Variants in MOGAT2 observed in about 807,000 individuals in gnomAD.
The protein encoded by MOGAT2 is 2-acylglycerol O-acyltransferase 2.
In MOGAT2, 27 loss-of-function variants were observed where a neutral mutation model predicts 31.5. That is an observed-to-expected ratio of 0.86 (90% confidence interval 0.63 to 1.18). The LOEUF (loss-of-function observed/expected upper bound fraction) is 1.18, where lower values mean the gene tolerates loss of function less well. MOGAT2 is among the 50% of genes most tolerant of loss of function. The probability of loss-of-function intolerance (pLI) is 0.00; values close to 1 mark genes in which losing one functional copy is unlikely to be tolerated. For missense variants in MOGAT2, 436 were observed against 433.2 expected (o/e 1.01, Z -0.06); for synonymous variants, 163 against 170.0 (o/e 0.96, Z 0.32).
chr11:75,721,805 G>C (rs1227380529), intron 2 of MOGAT2, among the ~76,000 whole-genome samples: 1 of 152,106 alleles, frequency 6.6e-6, no homozygotes, highest in Non-Finnish European at 1.5e-5. Flanking sequence ...AAGGGGGAGG[G>C]GTAGAGGAAA....
intron 4 of MOGAT2, 48 bp from the exon 5 acceptor site, chr11:75,728,741 GC>G (rs1474677837): frequency 4.0e-5 from 61 of 1,535,962 alleles, no homozygotes; most frequent in Non-Finnish European, 5.4e-5. Flanking sequence ...TTCAGCTCGT[GC>G]CTTCTCTGGG....
At position 75,727,561 on chromosome 11, in the gene MOGAT2, C is replaced by A; in HGVS notation, c.397C>A (p.Pro133Thr). The A allele has an allele frequency of 1.2e-6, 2 of 1,614,196 alleles. No individual in the cohort carries two copies. Among genetic ancestry groups the A allele is most frequent in the South Asian group, 2.2e-5 (2 of 91,088 alleles). ...TESTGFSSIFPGIRPHLMMLT... is the reference protein window; with the variant it reads ...TESTGFSSIFTGIRPHLMMLT... ...GAGCACAGGCTTCTCTTCGATCTTC[C>A]CCGGTATCCGCCCCCATCTGATGAT... Residue 133 changes from proline to threonine, a missense_variant, in exon 3 of 6, where the codon CCC becomes ACC. Coordinates refer to ENST00000198801, the MANE Select transcript of MOGAT2 (RefSeq NM_025098.4).
chr11:75,718,277 G>A (rs568274719), intron 1 of MOGAT2, among the ~76,000 whole-genome samples: 22 of 152,334 alleles, frequency 1.4e-4, no homozygotes, highest in East Asian at 5.8e-4. Context: ...GCCAAGTGGT[G>A]TGGGAAAGCC....
chr11:75,722,422 G>A (rs781284386), intron 2 of MOGAT2, among the ~76,000 whole-genome samples: 5 of 152,206 alleles, frequency 3.3e-5, no homozygotes, highest in Admixed American at 2.0e-4. Context: ...TCTGGCCTCC[G>A]GGAGAGCTTC....
chr11:75,731,360 G>A lies in MOGAT2; in HGVS notation c.*74G>A. The A allele has an allele frequency of 4.6e-6, 7 of 1,523,356 alleles. No individual in the cohort carries two copies. The highest frequency in any genetic ancestry group is 6.2e-6 in the Non-Finnish European group (7 of 1,134,662). 94.4% of individuals were successfully genotyped at this position (1,523,356 alleles called of 1,614,324 possible). ...CTGAGAAGACTTCCTGGAGGTGTTT[G>A]TTGAACATATCTGCAGAGCCTTCCC... On this transcript the variant is annotated 3_prime_UTR_variant, in exon 6 of 6. Coordinates refer to ENST00000198801, the MANE Select transcript of MOGAT2 (RefSeq NM_025098.4).
chr11:75,723,023 G>A lies in MOGAT2; in HGVS notation c.270+2853G>A, dbSNP rs370246422. ...GTTGCCCAGTCTGGAATGCAGTGGC[G>A]TGATCTCGGCTCACTGCAACCTCCA... On this transcript the variant is annotated intron_variant, in intron 2 of 5. Transcript: ENST00000198801. Among the ~76,000 whole-genome samples, 129 of 152,196 alleles carry A rather than the reference G, an allele frequency of 8.5e-4. 1 individual carries two copies. Among genetic ancestry groups the A allele is most frequent in the Admixed American group, 5.2e-3 (80 of 15,296 alleles).
At chr11:75,728,194 G>T in intron 4 of MOGAT2, 50 bp downstream of exon 4, 1 of 1,572,890 alleles carries the variant, frequency 6.4e-7, no homozygotes, top group East Asian at 2.3e-5. Flanking sequence ...CAATTGGCAA[G>T]GATTTTATTT....
chr11:75,726,649 G>C lies in MOGAT2; in HGVS notation c.271-786G>C, dbSNP rs544339275. On this transcript the variant is annotated intron_variant, in intron 2 of 5. Transcript: ENST00000198801. The stretch of plus-strand genomic sequence containing the variant: ...TCTATTTTTTTTTCTGAATACATCT[G>C]AGGTTGTTTGAATCCATAGATGTCT... 1.9e-4 allele frequency among the ~76,000 whole-genome samples: 28 copies of C among 149,514 alleles called. No homozygotes were observed. In the South Asian group the frequency reaches 4.8e-3, roughly 26 times the overall value.
At position 75,728,949 on chromosome 11, in the gene MOGAT2, C is replaced by T. The variant is rs746332568; in HGVS notation, c.810C>T (p.Ser270=). ...ATGGCCGTGGTGTCTTCCAGTACAG[C>T]TTTGGTTTAATACCCTACCGCCGGC... is the stretch of plus-strand genomic sequence containing the variant. The part of the protein sequence containing the change: ...LFHGRGVFQY[S]FGLIPYRRPI... Residue 270 remains serine, a synonymous_variant, in exon 5 of 6, where the codon AGC becomes AGT. Coordinates refer to ENST00000198801, the MANE Select transcript of MOGAT2 (RefSeq NM_025098.4). 6.2e-7 allele frequency: 1 copy of T among 1,614,116 alleles called. No homozygotes were observed. Among genetic ancestry groups the T allele is most frequent in the Non-Finnish European group, 8.5e-7 (1 of 1,180,038 alleles).
intron 3 of MOGAT2, 40 bp downstream of exon 3, chr11:75,727,679 A>G (rs1944434017): frequency 1.9e-6 from 3 of 1,576,830 alleles, no homozygotes; most frequent in South Asian, 2.3e-5. Context: ...GAAGGTAACA[A>G]ATTTTCGGAA....
rs1944479705 is a variant in MOGAT2, at chr11:75,731,503, G to A, written c.*217G>A. The A allele has an allele frequency of 6.1e-6, 3 of 493,772 alleles. No homozygotes were observed. Among genetic ancestry groups the A allele is most frequent in the Non-Finnish European group, 1.0e-5 (3 of 299,316 alleles). 30.6% of individuals were successfully genotyped at this position (493,772 alleles called of 1,614,324 possible). On this transcript the variant is annotated 3_prime_UTR_variant, in exon 6 of 6. Coordinates refer to ENST00000198801, the MANE Select transcript of MOGAT2 (RefSeq NM_025098.4). ...CAGTGAGGGCTGCTAGAGGGGCTGG[G>A]CCTCTCTTTGCACATGGACACTGGG...
chr11:75,718,795 G>C (rs1944351896), intron 1 of MOGAT2, among the ~76,000 whole-genome samples: 4 of 152,120 alleles, frequency 2.6e-5, no homozygotes. Flanking sequence ...CTGTGGCTTG[G>C]GAAGGGAGAA....
At position 75,728,709 on chromosome 11, in the gene MOGAT2, C is replaced by T; in HGVS notation, c.651-81C>T. 7 of 1,242,574 alleles carry T rather than the reference C, an allele frequency of 5.6e-6. 1 individual carries two copies. The highest frequency in any genetic ancestry group is 4.9e-5 in the South Asian group (4 of 82,068). The allele number at this position is 1,242,574 out of a possible 1,614,324, so 77.0% of individuals were successfully genotyped here. A position where few individuals can be genotyped will look rare whatever the true frequency, so the allele number is the denominator to read the frequency against. On this transcript the variant is annotated intron_variant, in intron 4 of 5. Transcript: ENST00000198801. ...TGCTCCATTTCTTGGTCACTGAGTC[C>T]CTGCAGGAAGCTAAAGGGCCTTTCA... is the stretch of plus-strand genomic sequence containing the variant.
chr11:75,730,935 G>T, intron 5 of MOGAT2, 197 bp from the exon 6 acceptor site: 69 of 301,408 alleles, frequency 2.3e-4, no homozygotes, highest in Middle Eastern at 9.3e-4. Context: ...AAAAAGAAAA[G>T]AAAAGAAAAG....
At position 75,720,188 on chromosome 11, in the gene MOGAT2, T is replaced by A. The variant is rs1281021986; in HGVS notation, c.270+18T>A. ...CCATCTCGGTGAGTATTGAGGCTGG[T>A]TGGGGTTGGGGAGGGAGTTGGCTGG... On this transcript the variant is annotated intron_variant, in intron 2 of 5. Transcript: ENST00000198801. 1.9e-6 allele frequency: 3 copies of A among 1,598,462 alleles called. No individual in the cohort carries two copies. In the South Asian group the frequency reaches 3.4e-5, roughly 18 times the overall value.
At chr11:75,726,981 C>G (rs1381068518) in intron 2 of MOGAT2, among the ~76,000 whole-genome samples, 1 of 152,078 alleles carries the variant, frequency 6.6e-6, no homozygotes, top group African/African-American at 2.4e-5. Flanking sequence ...TGAGCCACCG[C>G]GCCTGGCTGG....
intron 5 of MOGAT2, 139 bp downstream of exon 5, chr11:75,729,128 A>T: frequency 1.3e-6 from 1 of 768,852 alleles, no homozygotes; most frequent in Non-Finnish European, 2.2e-6. Flanking sequence ...ATACACACAC[A>T]AGCAGATAGA....
intron 3 of MOGAT2, 90 bp downstream of exon 3, chr11:75,727,729 C>A: frequency 7.5e-7 from 1 of 1,338,380 alleles, no homozygotes; most frequent in Non-Finnish European, 1.0e-6. Context: ...AGAGCGTGTG[C>A]AGTAGGAGAA....
rs142019515 is a variant in MOGAT2 at position 75,727,570 on chromosome 11, C to T, written c.406C>T (p.Arg136Cys). The change falls in exon 3 of 6, where the codon CGC (arginine) becomes TGC (cysteine). Residue 136 changes from arginine to cysteine, a missense_variant. Physicochemically the swap from Arg to Cys is radical, Grantham distance 180 (BLOSUM62 -3). Coordinates refer to ENST00000198801, the MANE Select transcript of MOGAT2 (RefSeq NM_025098.4). ...CTTCTCTTCGATCTTCCCCGGTATC[C>T]GCCCCCATCTGATGATGCTGACCTT... Reference protein sequence around the residue: ...TGFSSIFPGIRPHLMMLTLWF... With the variant: ...TGFSSIFPGICPHLMMLTLWF... 1.4e-4 allele frequency: 226 copies of T among 1,614,190 alleles called. No individual in the cohort carries two copies. The African/African-American group carries it at 1.6e-3, about 11-fold the overall frequency.
Sources: allele counts gnomAD v4.1 joint callset (sites outside exome capture counted in the v4.1 genomes callset), GRCh38; gene constraint gnomAD v4.1.1; transcripts MANE v1.5; gene names NCBI Gene and HGNC (gene_info 2026-07-23, HGNC 2026-07-21).